Variants in ZNF827 observed in about 807,000 individuals in gnomAD.
The protein encoded by ZNF827 is zinc finger protein 827.
A neutral mutation model predicts 102.4 loss-of-function variants in ZNF827; 13 were observed. The ratio of observed to expected loss-of-function variants is 0.13; its 90% CI spans 0.08 to 0.20. ZNF827 has a LOEUF of 0.20. Among genes scored for constraint, ZNF827 ranks in the 10% least tolerant of loss-of-function variants. The pLI, the probability that ZNF827 is intolerant of heterozygous loss-of-function variation, is 1.00. For synonymous variants in ZNF827, 523 were observed against 536.2 expected, an observed-to-expected ratio of 0.98 and a Z score of 0.34; for missense variants, 1,103 against 1,344.4, an observed-to-expected ratio of 0.82 and a Z score of 2.81.
At chr4:145,779,603 T>G in intron 8 of ZNF827, 92 bp from the exon 9 acceptor site, 1 of 1,499,052 alleles carries the variant, frequency 6.7e-7, no homozygotes, top group Non-Finnish European at 9.0e-7. Flanking sequence ...GAGCCTTCTC[T>G]CTGAAGAATG....
chr4:145,827,574 A>C (rs753838936), intron 7 of ZNF827, among the ~76,000 whole-genome samples: 1 of 152,220 alleles, frequency 6.6e-6, no homozygotes, highest in Non-Finnish European at 1.5e-5. Context: ...TGAAGAAGGA[A>C]GGGTAAAGAG....
chr4:145,783,061 T>A (rs1738328353), intron 8 of ZNF827, among the ~76,000 whole-genome samples: 1 of 146,188 alleles, frequency 6.8e-6, no homozygotes, highest in East Asian at 2.0e-4. Context: ...TGTTTACATA[T>A]CTTCTATAAG....
At chr4:145,916,526 G>C (rs982917152) in intron 1 of ZNF827, among the ~76,000 whole-genome samples, 1 of 152,102 alleles carries the variant, frequency 6.6e-6, no homozygotes, top group African/African-American at 2.4e-5. Flanking sequence ...GGGGAGCACT[G>C]GTGATTTCCA....
chr4:145,807,761 T>C (rs1398135107), intron 8 of ZNF827, among the ~76,000 whole-genome samples: 43 of 146,678 alleles, frequency 2.9e-4, no homozygotes, highest in Admixed American at 2.3e-3. Flanking sequence ...TGAGCCACTG[T>C]GCCAGGCTGC....
intron 9 of ZNF827, 68 bp downstream of exon 9, chr4:145,779,306 G>A: frequency 6.4e-7 from 1 of 1,551,280 alleles, no homozygotes; most frequent in Non-Finnish European, 8.7e-7. Context: ...GAGAAACTCA[G>A]TTTCCGGAGA....
intron 8 of ZNF827, among the ~76,000 whole-genome samples, chr4:145,819,285 G>A (rs75576195): frequency 6.6e-6 from 1 of 152,030 alleles, no homozygotes; most frequent in Non-Finnish European, 1.5e-5. Context: ...CTTCACACCC[G>A]CCCTGGTTGT....
chr4:145,854,401 TAAG>T (rs1435665002), intron 5 of ZNF827, among the ~76,000 whole-genome samples: 3 of 151,776 alleles, frequency 2.0e-5, no homozygotes, highest in South Asian at 4.2e-4. Flanking sequence ...TACCTACCCT[TAAG>T]AGGAGGAGGA....
chr4:145,907,132 G>A, intron 1 of ZNF827: 1 of 456,338 alleles, frequency 2.2e-6, no homozygotes, highest in East Asian at 6.9e-5. Flanking sequence ...GCAGAGGGTG[G>A]GGAAAAATTA....
At chr4:145,801,287 T>C (rs1579229879) in intron 8 of ZNF827, among the ~76,000 whole-genome samples, 1 of 152,348 alleles carries the variant, frequency 6.6e-6, no homozygotes, top group African/African-American at 2.4e-5. Context: ...CAGTTGTATG[T>C]TGCTAGCACT....
At chr4:145,914,759 T>C (rs1405187230) in intron 1 of ZNF827, among the ~76,000 whole-genome samples, 1 of 152,238 alleles carries the variant, frequency 6.6e-6, no homozygotes, top group East Asian at 1.9e-4. Flanking sequence ...TTTAATTCTC[T>C]TTGAAGAATC....
At position 145,761,864 on chromosome 4, in the gene ZNF827, C is replaced by T. The variant is rs965636183; in HGVS notation, c.*18-266G>A. ...TCTTGGCCGATACAGGCAAGGCCAG[C>T]CCTCACCAAGGGGAGCAGAGAAAGT... On this transcript the variant is annotated intron_variant, in intron 14 of 14. Transcript: ENST00000508784. The surrounding 1 kb of genome is among the most constrained non-coding windows in gnomAD (Gnocchi z 6.8). 1.3e-5 allele frequency among the ~76,000 whole-genome samples: 2 copies of T among 152,194 alleles called. No homozygotes were observed. Among genetic ancestry groups the T allele is most frequent in the Admixed American group, 6.5e-5 (1 of 15,286 alleles).
intron 8 of ZNF827, among the ~76,000 whole-genome samples, chr4:145,819,097 C>A (rs1302070476): frequency 2.0e-5 from 3 of 151,098 alleles, no homozygotes; most frequent in Non-Finnish European, 2.9e-5. Context: ...ATAAAACCAA[C>A]AACGTGAGTT....
chr4:145,886,250 A>C, intron 3 of ZNF827, 92 bp from the exon 4 acceptor site: 61 of 1,470,380 alleles, frequency 4.1e-5, no homozygotes, highest in Non-Finnish European at 4.8e-5. Flanking sequence ...TCATTTCCTC[A>C]CCGTGCAAAG....
intron 5 of ZNF827, among the ~76,000 whole-genome samples, chr4:145,856,723 A>ACC (rs1224282329): frequency 8.8e-6 from 1 of 114,020 alleles, no homozygotes; most frequent in African/African-American, 3.2e-5. Context: ...ACACACACAC[A>ACC]CCCCATTTCA....
In ZNF827 at chr4:145,927,567, C is replaced by T. The variant is rs115748906; in HGVS notation, c.43+10798G>A. Reference sequence around the variant, plus strand: ...CATGAATCATGGGGCCATCACGTTCCATCAACACCTAAGGGGTTCTCCTGT... The same window carrying T: ...CATGAATCATGGGGCCATCACGTTCTATCAACACCTAAGGGGTTCTCCTGT... On this transcript the variant is annotated intron_variant, in intron 1 of 14. Coordinates refer to ENST00000508784, the MANE Select transcript of ZNF827 (RefSeq NM_001306215.2). Among the ~76,000 whole-genome samples the T allele has an allele frequency of 1.6e-3, 251 of 152,210 alleles. 2 individuals carry two copies. The highest frequency in any genetic ancestry group is 5.8e-3 in the African/African-American group (241 of 41,508).
At chr4:145,818,996 G>A (rs1742871150) in intron 8 of ZNF827, among the ~76,000 whole-genome samples, 1 of 152,086 alleles carries the variant, frequency 6.6e-6, no homozygotes. Flanking sequence ...AGCAGGTCCT[G>A]AAAGAAACTA....
Position 145,873,868 on chromosome 4 carries a change from A to C in ZNF827, c.1748-3390T>G, listed in dbSNP as rs577338563. On this transcript the variant is annotated intron_variant, in intron 4 of 14. Transcript: ENST00000508784. Reference sequence around the variant, plus strand: ...AGGGCACCCTAGTTCATCACGACAGAGTAATTAAATAGGGTGTTTATTAAG... The same window carrying C: ...AGGGCACCCTAGTTCATCACGACAGCGTAATTAAATAGGGTGTTTATTAAG... Among the ~76,000 whole-genome samples the C allele has an allele frequency of 8.5e-5, 13 of 152,336 alleles. No individual in the cohort carries two copies. The East Asian group carries it at 1.2e-3, about 14-fold the overall frequency.
intron 8 of ZNF827, among the ~76,000 whole-genome samples, chr4:145,820,910 C>CT (rs1443832006): frequency 6.6e-6 from 1 of 152,202 alleles, no homozygotes; most frequent in Non-Finnish European, 1.5e-5. Flanking sequence ...TACTCCAGAA[C>CT]TTTAAGATCC....
intron 1 of ZNF827, among the ~76,000 whole-genome samples, chr4:145,931,991 AGG>A (rs1753841168): frequency 6.6e-6 from 1 of 152,154 alleles, no homozygotes; most frequent in Non-Finnish European, 1.5e-5. Flanking sequence ...CTAGATCGTG[AGG>A]GTAGACCTCT....
Sources: allele counts gnomAD v4.1 joint callset (sites outside exome capture counted in the v4.1 genomes callset), GRCh38; gene constraint gnomAD v4.1.1; non-coding constraint Gnocchi (gnomAD v3.1); transcripts MANE v1.5; gene names NCBI Gene and HGNC (gene_info 2026-07-23, HGNC 2026-07-21).